Variants in MAGI2 observed in about 807,000 individuals in gnomAD.
MAGI2 encodes the protein membrane associated guanylate kinase, WW and PDZ domain containing 2.
In MAGI2, 35 loss-of-function variants were observed where a neutral mutation model predicts 133.3. That is an observed-to-expected ratio of 0.26 (90% confidence interval 0.20 to 0.35). MAGI2 has a LOEUF of 0.35. Ranked by LOEUF, MAGI2 falls within the 10% of genes least tolerant of loss-of-function variation. MAGI2 has a pLI of 1.00. For synonymous variants in MAGI2, 729 were observed against 710.6 expected (o/e 1.03, Z -0.41); for missense variants, 1,636 against 1,863.4 (o/e 0.88, Z 2.25).
At chr7:78,490,066 T>C (rs914772523) in intron 5 of MAGI2, 4 of 471,096 alleles carry the variant, frequency 8.5e-6, no homozygotes, top group Non-Finnish European at 1.5e-5. Flanking sequence ...TTTATTAAAA[T>C]CAACTAGAAT....
intron 2 of MAGI2, 126 bp downstream of exon 2, chr7:79,006,964 T>C (rs1190846657): frequency 3.1e-6 from 2 of 642,386 alleles, no homozygotes; most frequent in Non-Finnish European, 5.1e-6. Flanking sequence ...ACATCTCAAA[T>C]AAGTTTTCTG....
At chr7:79,439,402 C>T (rs1848350904) in intron 1 of MAGI2, among the ~76,000 whole-genome samples, 4 of 152,080 alleles carry the variant, frequency 2.6e-5, no homozygotes. Context: ...AAGCGATAGC[C>T]ATAGACTTGG....
chr7:78,536,387 C>T (rs1275302356), intron 3 of MAGI2, among the ~76,000 whole-genome samples: 1 of 151,888 alleles, frequency 6.6e-6, no homozygotes, highest in African/African-American at 2.4e-5. Context: ...GCTGGGATTA[C>T]AGGCGTGAGC....
chr7:78,579,696 G>T (rs1474132873), intron 3 of MAGI2, among the ~76,000 whole-genome samples: 2 of 152,092 alleles, frequency 1.3e-5, no homozygotes, highest in African/African-American at 4.8e-5. Flanking sequence ...ATTCTTAGTT[G>T]AAGATGCTAT....
chr7:79,037,206 A>G (rs1811205469), intron 1 of MAGI2, among the ~76,000 whole-genome samples: 1 of 152,204 alleles, frequency 6.6e-6, no homozygotes, highest in Non-Finnish European at 1.5e-5. Flanking sequence ...AGATGTTAAC[A>G]GCTATTATGT....
chr7:78,295,700 A>C (rs763028483), intron 9 of MAGI2, among the ~76,000 whole-genome samples: 6 of 152,012 alleles, frequency 3.9e-5, no homozygotes, highest in Non-Finnish European at 8.8e-5. Flanking sequence ...ATCTCATCCG[A>C]TCCCATGGAT....
intron 2 of MAGI2, among the ~76,000 whole-genome samples, chr7:78,665,789 A>G (rs73380206): frequency 0.015 from 2,334 of 152,314 alleles, 69 homozygotes; most frequent in African/African-American, 0.053. Flanking sequence ...TCATGTCTTC[A>G]TGTATTCATT....
chr7:78,258,948 G>A (rs1437609296), intron 9 of MAGI2, among the ~76,000 whole-genome samples: 1 of 152,164 alleles, frequency 6.6e-6, no homozygotes, highest in Non-Finnish European at 1.5e-5. Flanking sequence ...GTTAGATAGT[G>A]GCAAATGGCT....
chr7:79,205,655 G>T (rs564131951), intron 1 of MAGI2, among the ~76,000 whole-genome samples: 2 of 151,770 alleles, frequency 1.3e-5, no homozygotes, highest in South Asian at 4.2e-4. Flanking sequence ...TTAAAAAAAA[G>T]ACTACAATAA....
chr7:78,356,529 C>T (rs117725873), intron 7 of MAGI2, among the ~76,000 whole-genome samples: 1 of 152,312 alleles, frequency 6.6e-6, no homozygotes, highest in East Asian at 1.9e-4. Flanking sequence ...TAATTACCCT[C>T]ATCTGATCAC....
At chr7:79,267,795 G>A (rs1834591063) in intron 1 of MAGI2, among the ~76,000 whole-genome samples, 1 of 152,156 alleles carries the variant, frequency 6.6e-6, no homozygotes, top group South Asian at 2.1e-4. Context: ...GGGGCTGGAT[G>A]GCTGAAGCTT....
intron 1 of MAGI2, among the ~76,000 whole-genome samples, chr7:79,404,286 T>C (rs1845662051): frequency 6.6e-6 from 1 of 152,158 alleles, no homozygotes; most frequent in Non-Finnish European, 1.5e-5. Flanking sequence ...TCCCTGTTCA[T>C]AGGCTTCTGC....
rs1847084382 is a variant in MAGI2, at chr7:79,422,996, A to T, written c.301+30024T>A. Among the ~76,000 whole-genome samples the T allele has an allele frequency of 2.6e-5, 4 of 152,212 alleles. No individual in the cohort carries two copies. In the South Asian group the frequency reaches 6.2e-4, roughly 24 times the overall value. On this transcript the variant is annotated intron_variant, in intron 1 of 21. Transcript: ENST00000354212. ...GAAAAACAAACTCATGAAACATAAG[A>T]ATTAAAAAAGAAAAAGAAATACAGG...
At chr7:79,012,388 G>C (rs1808250928) in intron 1 of MAGI2, 1 of 152,106 alleles carries the variant, frequency 6.6e-6, no homozygotes, top group South Asian at 2.1e-4. Context: ...TCTCTGCTCT[G>C]AACTTCCACA....
At position 78,888,086 on chromosome 7, in the gene MAGI2, T is replaced by C. The variant is rs189950566; in HGVS notation, c.418+119004A>G. On this transcript the variant is annotated intron_variant, in intron 2 of 21. Coordinates refer to ENST00000354212, the MANE Select transcript of MAGI2 (RefSeq NM_012301.4). ...AACGGCATACCAGGAGATTATATCC[T>C]GCACATGGCTCAGAGGATTCTACAC... Among the ~76,000 whole-genome samples the C allele has an allele frequency of 6.0e-3, 919 of 152,328 alleles. 8 individuals are homozygous for C. The highest frequency in any genetic ancestry group is 9.0e-3 in the Non-Finnish European group (609 of 68,020).
intron 2 of MAGI2, among the ~76,000 whole-genome samples, chr7:78,653,815 A>G (rs1175962625): frequency 1.3e-5 from 2 of 151,532 alleles, no homozygotes; most frequent in Non-Finnish European, 2.9e-5. Flanking sequence ...ATATTTAATC[A>G]GTTCAGTCTC....
chr7:78,662,458 CT>C (rs1470642433), intron 2 of MAGI2, among the ~76,000 whole-genome samples: 7 of 152,194 alleles, frequency 4.6e-5, no homozygotes, highest in Admixed American at 2.0e-4. Flanking sequence ...CTTAGCAACA[CT>C]TTGCTGATAC....
intron 2 of MAGI2, among the ~76,000 whole-genome samples, chr7:78,630,013 T>C (rs1482912391): frequency 6.6e-6 from 1 of 152,014 alleles, no homozygotes; most frequent in Non-Finnish European, 1.5e-5. Context: ...AAGTTGCATA[T>C]ACAGATATTT....
intron 21 of MAGI2, among the ~76,000 whole-genome samples, chr7:78,065,302 C>T (rs1454030465): frequency 6.6e-5 from 10 of 152,152 alleles, no homozygotes; most frequent in African/African-American, 1.9e-4. Flanking sequence ...GGGTGGAACG[C>T]GGCCAGTGCT....
Sources: allele counts gnomAD v4.1 joint callset (sites outside exome capture counted in the v4.1 genomes callset), GRCh38; gene constraint gnomAD v4.1.1; transcripts MANE v1.5; gene names NCBI Gene and HGNC (gene_info 2026-07-23, HGNC 2026-07-21).